MYO3B: variants seen among roughly 807,000 people sequenced by gnomAD.
MYO3B encodes myosin IIIB.
Under a neutral mutation model 174.6 loss-of-function variants are expected in MYO3B, and 156 were observed. The ratio of observed to expected loss-of-function variants is 0.89; its 90% CI spans 0.78 to 1.02. The LOEUF (loss-of-function observed/expected upper bound fraction) is 1.02. MYO3B is among the 50% of genes least tolerant of loss of function. The pLI is 0.00. For missense variants in MYO3B, 1,632 were observed against 1,639.4 expected, an observed-to-expected ratio of 1.00 and a Z score of 0.08; for synonymous variants, 563 against 569.1, an observed-to-expected ratio of 0.99 and a Z score of 0.15.
At chr2:170,306,804 T>C (rs536723847) in intron 7 of MYO3B, among the ~76,000 whole-genome samples, 10 of 152,276 alleles carry the variant, frequency 6.6e-5, no homozygotes, top group Admixed American at 3.3e-4. Context: ...CAAGTTCTTC[T>C]GCACTTGGGT....
Position 170,217,330 on chromosome 2 carries a change from C to G in MYO3B, c.538C>G (p.Gln180Glu). The G allele has an allele frequency of 6.2e-7, 1 of 1,614,006 alleles. No homozygotes were observed. Among genetic ancestry groups the G allele is most frequent in the Non-Finnish European group, 8.5e-7 (1 of 1,179,860 alleles). ...VKLVDFGVSA[Q>E]LTSTRLRRNT... ...CTCTTTCCTTATAGGTGTTTCAGCT[C>G]AACTCACCAGTACACGTCTGCGGAG... The change falls in exon 6 of 35, where the codon CAA (glutamine) becomes GAA (glutamate). Residue 180 changes from glutamine (Q) to glutamate (E), a missense_variant. Gln to Glu is a conservative substitution (Grantham distance 29). Coordinates refer to ENST00000408978, the MANE Select transcript of MYO3B (RefSeq NM_138995.5).
At chr2:170,619,441 T>TTATTG (rs1695708372) in intron 32 of MYO3B, among the ~76,000 whole-genome samples, 1 of 152,300 alleles carries the variant, frequency 6.6e-6, no homozygotes, top group African/African-American at 2.4e-5. Flanking sequence ...TTTCAGGGGG[T>TTATTG]CTCCCTGCAG....
intron 1 of MYO3B, 111 bp downstream of exon 1, chr2:170,178,400 A>C (rs2092358446): frequency 7.3e-7 from 1 of 1,366,240 alleles, no homozygotes; most frequent in African/African-American, 1.4e-5. Flanking sequence ...GGGGGATGAC[A>C]GCCACTCTGG....
chr2:170,563,532 A>G (rs1475267645), intron 32 of MYO3B, among the ~76,000 whole-genome samples: 1 of 152,180 alleles, frequency 6.6e-6, no homozygotes, highest in Non-Finnish European at 1.5e-5. Context: ...AGGGCTCTCT[A>G]TTGGCCAAAC....
intron 18 of MYO3B, among the ~76,000 whole-genome samples, 194 bp downstream of exon 18, chr2:170,401,885 C>T (rs1255586586): frequency 6.6e-6 from 1 of 150,490 alleles, no homozygotes; most frequent in Admixed American, 6.7e-5. Flanking sequence ...TCACTGCAAC[C>T]TCCAACTCCA....
At chr2:170,569,870 A>G (rs1445728434) in intron 32 of MYO3B, among the ~76,000 whole-genome samples, 2 of 151,706 alleles carry the variant, frequency 1.3e-5, no homozygotes, top group Non-Finnish European at 2.9e-5. Flanking sequence ...CGAAAAAAAA[A>G]AAAAAAAAAA....
At chr2:170,464,415 T>G (rs1477026358) in intron 24 of MYO3B, among the ~76,000 whole-genome samples, 1 of 145,400 alleles carries the variant, frequency 6.9e-6, no homozygotes, top group Non-Finnish European at 1.5e-5. Flanking sequence ...CAGAATGAGG[T>G]AGTAAGATAG....
Position 170,178,379 on chromosome 2 carries a change from T to C in MYO3B, c.2+90T>C. The stretch of plus-strand genomic sequence containing the variant: ...GGGCAGATGCAGCTGCCCTGGCTGG[T>C]GGGCAGTGGAGGGGGATGACAGCCA... On this transcript the variant is annotated intron_variant, in intron 1 of 34. Transcript: ENST00000408978. 4 of 1,551,300 alleles carry C rather than the reference T, an allele frequency of 2.6e-6. No individual in the cohort carries two copies. In the South Asian group the frequency reaches 4.5e-5, roughly 17 times the overall value.
intron 7 of MYO3B, among the ~76,000 whole-genome samples, chr2:170,305,388 C>T (rs1486552021): frequency 2.0e-5 from 3 of 151,910 alleles, no homozygotes; most frequent in Non-Finnish European, 4.4e-5. Context: ...CCTCATTTTC[C>T]CCCCAAAATG....
chr2:170,302,276 T>C (rs1040697857), intron 7 of MYO3B, among the ~76,000 whole-genome samples: 1 of 152,230 alleles, frequency 6.6e-6, no homozygotes, highest in African/African-American at 2.4e-5. Flanking sequence ...GGCATTTTCT[T>C]TTAGAATTAA....
chr2:170,428,037 A>G (rs1197455041), intron 22 of MYO3B, among the ~76,000 whole-genome samples: 1 of 152,234 alleles, frequency 6.6e-6, no homozygotes, highest in Non-Finnish European at 1.5e-5. Context: ...ACATTGCAGA[A>G]AGGGAGCAAA....
At chr2:170,442,776 G>A (rs1349419561) in intron 22 of MYO3B, among the ~76,000 whole-genome samples, 3 of 152,098 alleles carry the variant, frequency 2.0e-5, no homozygotes, top group African/African-American at 7.2e-5. Flanking sequence ...CCTTGCGATA[G>A]TTTGCTCAGA....
intron 23 of MYO3B, among the ~76,000 whole-genome samples, chr2:170,445,104 C>T (rs1369854535): frequency 6.6e-6 from 1 of 152,106 alleles, no homozygotes; most frequent in Non-Finnish European, 1.5e-5. Flanking sequence ...AATGCATAAC[C>T]TCATTTTACA....
intron 32 of MYO3B, among the ~76,000 whole-genome samples, chr2:170,590,700 C>A (rs1330712456): frequency 1.3e-5 from 2 of 150,772 alleles, no homozygotes; most frequent in African/African-American, 4.9e-5. Context: ...TAAGAAAAAT[C>A]TGGCTGAATT....
At chr2:170,250,763 C>G (rs1428910346) in intron 7 of MYO3B, among the ~76,000 whole-genome samples, 2 of 152,032 alleles carry the variant, frequency 1.3e-5, no homozygotes, top group African/African-American at 2.4e-5. Context: ...GGAGGTGGCT[C>G]TCAGCAGGAT....
intron 32 of MYO3B, among the ~76,000 whole-genome samples, chr2:170,637,809 A>G: frequency 6.6e-6 from 1 of 152,188 alleles, no homozygotes; most frequent in East Asian, 1.9e-4. Flanking sequence ...TTGATTTTAT[A>G]ATGTAATGTA....
At chr2:170,594,053 G>A (rs1294748105) in intron 32 of MYO3B, among the ~76,000 whole-genome samples, 1 of 151,950 alleles carries the variant, frequency 6.6e-6, no homozygotes. Context: ...ACTGTTTATG[G>A]TTCTGATGGG....
intron 11 of MYO3B, 128 bp from the exon 12 acceptor site, chr2:170,383,582 C>A: frequency 1.4e-6 from 1 of 700,098 alleles, no homozygotes; most frequent in South Asian, 1.8e-5. Flanking sequence ...GCTCCAGAAC[C>A]TATACCCTAC....
At chr2:170,398,223 C>CAA (rs2094452376) in intron 16 of MYO3B, among the ~76,000 whole-genome samples, 1 of 28,536 alleles carries the variant, frequency 3.5e-5, no homozygotes, top group African/African-American at 1.4e-4. Flanking sequence ...AACTCTGTCT[C>CAA]AAAAGAAAAA....
Sources: allele counts gnomAD v4.1 joint callset (sites outside exome capture counted in the v4.1 genomes callset), GRCh38; gene constraint gnomAD v4.1.1; transcripts MANE v1.5; gene names NCBI Gene and HGNC (gene_info 2026-07-23, HGNC 2026-07-21).